Variants in ZC3H12B observed in about 807,000 individuals in gnomAD.
ZC3H12B encodes the protein probable ribonuclease ZC3H12B.
In ZC3H12B, 7 loss-of-function variants were observed where a neutral mutation model predicts 43.9. That is an observed-to-expected ratio of 0.16 (90% CI 0.09 to 0.30). The LOEUF (loss-of-function observed/expected upper bound fraction) is 0.30, where lower values mean the gene tolerates loss of function less well. Ranked by LOEUF, ZC3H12B falls within the 10% of genes least tolerant of loss-of-function variation. ZC3H12B has a pLI of 1.00. For missense variants in ZC3H12B, 475 were observed against 670.2 expected, an observed-to-expected ratio of 0.71 and a Z score of 3.22; for synonymous variants, 222 against 241.7, an observed-to-expected ratio of 0.92 and a Z score of 0.76.
chrX:65,283,921 G>C, the ZC3H12B span, among the ~76,000 whole-genome samples: 1 of 111,295 alleles, frequency 9.0e-6, no homozygotes, highest in Admixed American at 9.6e-5. Context: ...ACACTGTGCT[G>C]CTGATATTTG....
chrX:65,108,428 A>T, the ZC3H12B span, among the ~76,000 whole-genome samples: 2 of 110,188 alleles, frequency 1.8e-5, no homozygotes, highest in African/African-American at 3.3e-5. Context: ...TTTAACTTTT[A>T]AAACTTTTTG....
upstream of ZC3H12B, among the ~76,000 whole-genome samples, chrX:65,364,615 AC>A (rs2066149476): frequency 9.0e-6 from 1 of 110,795 alleles, no homozygotes; most frequent in Admixed American, 9.5e-5. Context: ...TGGTTCTTGG[AC>A]CAAGGAAAAT....
At chrX:65,293,695 G>T in the ZC3H12B span, among the ~76,000 whole-genome samples, 3 of 109,159 alleles carry the variant, frequency 2.7e-5, no homozygotes, top group Non-Finnish European at 5.7e-5. Context: ...ATACACTTAG[G>T]GAAATGCAAA....
At chrX:65,468,127 T>G (rs2067850432) in intron 3 of ZC3H12B, among the ~76,000 whole-genome samples, 1 of 112,105 alleles carries the variant, frequency 8.9e-6, no homozygotes, top group Non-Finnish European at 1.9e-5. Flanking sequence ...AGTTGATTTT[T>G]GTAGATGGTG....
At chrX:65,292,185 A>G in the ZC3H12B span, among the ~76,000 whole-genome samples, 1 of 112,147 alleles carries the variant, frequency 8.9e-6, no homozygotes, top group East Asian at 2.8e-4. Context: ...ATTAACATCT[A>G]TGGACTACTA....
chrX:65,123,199 C>T, the ZC3H12B span, among the ~76,000 whole-genome samples: 1 of 110,863 alleles, frequency 9.0e-6, no homozygotes, highest in African/African-American at 3.3e-5. Flanking sequence ...TGGTTTTTGT[C>T]TTGGTTCTGT....
At chrX:65,330,452 G>T in the ZC3H12B span, among the ~76,000 whole-genome samples, 1 of 111,262 alleles carries the variant, frequency 9.0e-6, no homozygotes, top group Non-Finnish European at 1.9e-5. Context: ...TTGAATAGGA[G>T]TGGTGAGAGA....
At chrX:65,301,417 A>G in the ZC3H12B span, among the ~76,000 whole-genome samples, 1 of 111,879 alleles carries the variant, frequency 8.9e-6, no homozygotes, top group Admixed American at 9.5e-5. Context: ...AATTGCAAAA[A>G]TATGGAACCA....
At chrX:65,221,080 A>G in the ZC3H12B span, among the ~76,000 whole-genome samples, 2 of 112,162 alleles carry the variant, frequency 1.8e-5, no homozygotes, top group African/African-American at 6.4e-5. Flanking sequence ...TGGAAATTAA[A>G]TAACCTACCC....
At chrX:65,329,947 T>C in the ZC3H12B span, among the ~76,000 whole-genome samples, 1 of 112,260 alleles carries the variant, frequency 8.9e-6, no homozygotes, top group Non-Finnish European at 1.9e-5. Flanking sequence ...TTTTGGTTAC[T>C]GTAGACTTGT....
chrX:65,153,160 G>T, the ZC3H12B span, among the ~76,000 whole-genome samples: 2 of 111,972 alleles, frequency 1.8e-5, no homozygotes, highest in Non-Finnish European at 3.8e-5. Context: ...TACCATTCAG[G>T]ACATAGGCAT....
At chrX:65,155,051 G>T in the ZC3H12B span, among the ~76,000 whole-genome samples, 3 of 108,175 alleles carry the variant, frequency 2.8e-5, no homozygotes, top group Admixed American at 1.0e-4. Context: ...TGCCTCCTAA[G>T]CTCAAGCCAT....
At chrX:65,371,221 G>A (rs925432113) in intron 2 of ZC3H12B, among the ~76,000 whole-genome samples, 4 of 111,727 alleles carry the variant, frequency 3.6e-5, no homozygotes, top group Admixed American at 2.9e-4. Context: ...TAGCTTTATC[G>A]GAGGTAGAAT....
the ZC3H12B span, among the ~76,000 whole-genome samples, chrX:65,299,062 G>T: frequency 9.0e-6 from 1 of 111,621 alleles, no homozygotes; most frequent in African/African-American, 3.3e-5. Context: ...ATAATTCAAG[G>T]TGAGATTTGG....
intron 3 of ZC3H12B, among the ~76,000 whole-genome samples, chrX:65,448,110 C>T (rs935502936): frequency 8.1e-5 from 9 of 110,620 alleles, no homozygotes; most frequent in African/African-American, 3.0e-4. Context: ...TGGTGGGCAC[C>T]TGTAGTCCCA....
the ZC3H12B span, among the ~76,000 whole-genome samples, chrX:65,352,565 T>C: frequency 8.9e-6 from 1 of 111,827 alleles, no homozygotes; most frequent in Non-Finnish European, 1.9e-5. Context: ...TGGAATTAAA[T>C]AGTGATAATA....
the ZC3H12B span, among the ~76,000 whole-genome samples, chrX:65,154,679 A>G: frequency 1.8e-5 from 2 of 111,073 alleles, no homozygotes; most frequent in African/African-American, 6.6e-5. Context: ...TGAGACCCCC[A>G]TCTCTACAAA....
chrX:65,151,664 C>T, the ZC3H12B span, among the ~76,000 whole-genome samples: 2 of 111,610 alleles, frequency 1.8e-5, no homozygotes, highest in Non-Finnish European at 3.8e-5. Flanking sequence ...AAACGAGGGA[C>T]TTGTACCATT....
intron 3 of ZC3H12B, among the ~76,000 whole-genome samples, chrX:65,412,236 T>C (rs1358970456): frequency 2.7e-5 from 3 of 112,117 alleles, no homozygotes; most frequent in African/African-American, 9.7e-5. Flanking sequence ...TATGGAATTA[T>C]ACAATATGTG....
Sources: gnomAD v4.1 joint callset for allele counts (sites outside exome capture counted in the v4.1 genomes callset) on GRCh38, gnomAD v4.1.1 for gene constraint, MANE v1.5 for transcripts, NCBI Gene and HGNC (gene_info 2026-07-23, HGNC 2026-07-21) for gene names.